The following RHBDD1 variants were observed in gnomAD, a reference collection of about 807,000 sequenced individuals.
RHBDD1 encodes the protein rhomboid domain containing 1.
RHBDD1 carries 38 observed loss-of-function variants against 36.3 expected under a neutral mutation model. The observed-to-expected ratio is 1.05, with a 90% CI of 0.81 to 1.37. The LOEUF (loss-of-function observed/expected upper bound fraction) is 1.37. Ranked by LOEUF, RHBDD1 falls within the 40% of genes most tolerant of loss-of-function variation. RHBDD1 has a pLI of 0.00. For synonymous variants in RHBDD1, 151 were observed against 136.5 expected, an observed-to-expected ratio of 1.11 and a Z score of -0.74; for missense variants, 393 against 377.6, an observed-to-expected ratio of 1.04 and a Z score of -0.34.
In RHBDD1 at chr2:226,925,922, AGTTTGTGT is replaced by A. The variant is rs1949636255; in HGVS notation, c.856+11582_856+11589del. Among the ~76,000 whole-genome samples the A allele has an allele frequency of 8.6e-5, 13 of 152,024 alleles. No homozygotes were observed. The South Asian group carries it at 2.5e-3, about 29-fold the overall frequency. ...ATTTCCCAAATTTATTTGAATGTAG[AGTTTGTGT>A]GTTTGTGTGTGTGTGTTTCAGAGGG... On this transcript the variant is annotated intron_variant, in intron 8 of 8. Coordinates refer to ENST00000392062, the MANE Select transcript of RHBDD1 (RefSeq NM_001167608.3).
intron 5 of RHBDD1, among the ~76,000 whole-genome samples, chr2:226,880,506 A>G (rs1574932048): frequency 6.6e-6 from 1 of 152,302 alleles, no homozygotes; most frequent in East Asian, 1.9e-4. Context: ...AGAAGGAGAA[A>G]TTTTGAGCCA....
intron 5 of RHBDD1, 51 bp from the exon 6 acceptor site, chr2:226,906,742 C>G: frequency 1.9e-6 from 3 of 1,613,622 alleles, no homozygotes; most frequent in Middle Eastern, 3.3e-4. Context: ...GACAGAATGT[C>G]TCTAATCAGC....
chr2:226,873,425 G>C (rs1218388174), intron 5 of RHBDD1, among the ~76,000 whole-genome samples: 1 of 152,174 alleles, frequency 6.6e-6, no homozygotes, highest in Non-Finnish European at 1.5e-5. Context: ...TTGTGGTTAA[G>C]ATATCTCACT....
At chr2:226,913,649 T>C (rs1170310207) in intron 7 of RHBDD1, among the ~76,000 whole-genome samples, 2 of 152,198 alleles carry the variant, frequency 1.3e-5, no homozygotes, top group African/African-American at 4.8e-5. Flanking sequence ...TCTTCTTTCT[T>C]GTTTTATCTA....
upstream of RHBDD1, among the ~76,000 whole-genome samples, chr2:226,831,199 T>G (rs963196399): frequency 1.3e-4 from 20 of 152,188 alleles, no homozygotes; most frequent in Non-Finnish European, 2.9e-4. Context: ...AATTTCTTCC[T>G]TAAATATTTG....
intron 2 of RHBDD1, 148 bp from the exon 3 acceptor site, chr2:226,839,261 A>G (rs1941348347): frequency 6.6e-6 from 1 of 152,210 alleles, no homozygotes; most frequent in African/African-American, 2.4e-5. Flanking sequence ...GAAATTTTCT[A>G]TATATGTAAA....
At chr2:226,921,600 T>C (rs1333341760) in intron 8 of RHBDD1, among the ~76,000 whole-genome samples, 3 of 152,218 alleles carry the variant, frequency 2.0e-5, no homozygotes, top group South Asian at 2.1e-4. Flanking sequence ...CCACTGGTCA[T>C]TTAGGAACAT....
intron 7 of RHBDD1, among the ~76,000 whole-genome samples, chr2:226,911,872 G>A (rs1190537917): frequency 6.6e-6 from 1 of 152,036 alleles, no homozygotes; most frequent in Non-Finnish European, 1.5e-5. Context: ...GTTATTGGAG[G>A]TATTTAGTAA....
the RHBDD1 span, among the ~76,000 whole-genome samples, chr2:226,810,540 C>CAAAAAAAAAAAAAAAAAA: frequency 1.5e-4 from 5 of 33,882 alleles, no homozygotes; most frequent in African/African-American, 5.7e-4. Flanking sequence ...GACTCCGTCT[C>CAAAAAAAAAAAAAAAAAA]AAAAAAAAAA....
chr2:226,820,957 T>C, the RHBDD1 span, among the ~76,000 whole-genome samples: 1 of 152,198 alleles, frequency 6.6e-6, no homozygotes, highest in South Asian at 2.1e-4. Context: ...GCAAACAGCA[T>C]CCGTGGCATC....
intron 8 of RHBDD1, among the ~76,000 whole-genome samples, chr2:226,939,711 A>T (rs890690688): frequency 6.6e-6 from 1 of 152,342 alleles, no homozygotes; most frequent in African/African-American, 2.4e-5. Flanking sequence ...TATAGATTCA[A>T]TGCTAGTCCC....
At chr2:226,933,851 T>G (rs1375692811) in intron 8 of RHBDD1, among the ~76,000 whole-genome samples, 1 of 152,222 alleles carries the variant, frequency 6.6e-6, no homozygotes, top group Non-Finnish European at 1.5e-5. Context: ...TATCATTTCT[T>G]GCATACTATT....
At chr2:226,888,677 C>G (rs187181879) in intron 5 of RHBDD1, among the ~76,000 whole-genome samples, 3 of 152,116 alleles carry the variant, frequency 2.0e-5, no homozygotes, top group Admixed American at 6.5e-5. Flanking sequence ...ATGTGTAAAG[C>G]ATAGTACTGT....
chr2:226,843,866 C>A (rs1189788973), intron 3 of RHBDD1, among the ~76,000 whole-genome samples: 1 of 152,024 alleles, frequency 6.6e-6, no homozygotes, highest in Admixed American at 6.6e-5. Context: ...TTCTTTGTAC[C>A]CTGGTAGATA....
intron 8 of RHBDD1, among the ~76,000 whole-genome samples, chr2:226,952,826 G>A (rs1951522893): frequency 6.6e-6 from 1 of 152,122 alleles, no homozygotes; most frequent in Non-Finnish European, 1.5e-5. Context: ...GAGGGAGAGG[G>A]GGTGGAGGGA....
At chr2:226,895,160 G>A (rs921276331) in intron 5 of RHBDD1, among the ~76,000 whole-genome samples, 1 of 152,190 alleles carries the variant, frequency 6.6e-6, no homozygotes, top group Non-Finnish European at 1.5e-5. Context: ...GATCAGGTTT[G>A]CTGGTTAGAC....
At chr2:226,935,024 C>T (rs1201564472) in intron 8 of RHBDD1, among the ~76,000 whole-genome samples, 1 of 151,946 alleles carries the variant, frequency 6.6e-6, no homozygotes, top group Non-Finnish European at 1.5e-5. Flanking sequence ...TTAGATTCTT[C>T]TGAAAGGCAA....
chr2:226,968,109 C>T (rs1952786452), intron 8 of RHBDD1, among the ~76,000 whole-genome samples: 1 of 152,080 alleles, frequency 6.6e-6, no homozygotes, highest in Non-Finnish European at 1.5e-5. Context: ...GTGTAGTTTA[C>T]AAAGATAGGA....
At chr2:226,893,414 A>T (rs2125517455) in intron 5 of RHBDD1, among the ~76,000 whole-genome samples, 1 of 152,324 alleles carries the variant, frequency 6.6e-6, no homozygotes, top group Admixed American at 6.5e-5. Flanking sequence ...AGTCGCATTT[A>T]TTCTGCTACA....
Sources: allele counts gnomAD v4.1 joint callset (sites outside exome capture counted in the v4.1 genomes callset), GRCh38; gene constraint gnomAD v4.1.1; transcripts MANE v1.5; gene names NCBI Gene and HGNC (gene_info 2026-07-23, HGNC 2026-07-21).